Variants in CLEC2A observed in about 807,000 individuals in gnomAD.
CLEC2A encodes the protein keratinocyte-associated C-type lectin.
In CLEC2A, 19 loss-of-function variants were observed where a neutral mutation model predicts 18.6. That is an observed-to-expected ratio of 1.02 (90% confidence interval 0.71 to 1.50). The LOEUF (loss-of-function observed/expected upper bound fraction) is 1.50. CLEC2A is among the 40% of genes most tolerant of loss of function. CLEC2A has a pLI of 0.00. For synonymous variants in CLEC2A, 74 were observed against 64.0 expected (o/e 1.16, Z -0.75); for missense variants, 190 against 207.9 (o/e 0.91, Z 0.53).
At chr12:9,911,354 A>G (rs1489106741), downstream of CLEC2A, among the ~76,000 whole-genome samples, 1 of 152,170 alleles carries the variant, frequency 6.6e-6, no homozygotes, top group East Asian at 1.9e-4. Flanking sequence ...CCTCTGAGCA[A>G]AGAACAAGGA....
chr12:9,926,779 G>A (rs1334929771), intron 1 of CLEC2A, among the ~76,000 whole-genome samples: 4 of 152,096 alleles, frequency 2.6e-5, no homozygotes, highest in Non-Finnish European at 4.4e-5. Context: ...CCTTAAATGA[G>A]AGATATATTT....
At chr12:9,894,120 TTTTC>T (rs747130806), downstream of CLEC2A, among the ~76,000 whole-genome samples, 1 of 108,706 alleles carries the variant, frequency 9.2e-6, no homozygotes, top group Admixed American at 1.0e-4. Context: ...TTTTTCTTTC[TTTTC>T]TTTCTCTCTC....
intron 4 of CLEC2A, 137 bp from the exon 5 acceptor site, chr12:9,913,817 C>A: frequency 1.8e-6 from 1 of 568,772 alleles, no homozygotes; most frequent in Non-Finnish European, 3.0e-6. Flanking sequence ...TCACCATATG[C>A]TGCATTAAAA....
the CLEC2A span, among the ~76,000 whole-genome samples, chr12:9,878,883 G>A: frequency 2.0e-5 from 3 of 152,118 alleles, no homozygotes; most frequent in Non-Finnish European, 2.9e-5. Flanking sequence ...TTTGTGAACC[G>A]ATTTTTTAGG....
At chr12:9,908,507 A>C (rs551492337), downstream of CLEC2A, among the ~76,000 whole-genome samples, 1 of 152,278 alleles carries the variant, frequency 6.6e-6, no homozygotes, top group South Asian at 2.1e-4. Context: ...AGGGAAACAG[A>C]GGAGCGGGCT....
intron 4 of CLEC2A, among the ~76,000 whole-genome samples, chr12:9,900,925 A>T (rs983457799): frequency 6.6e-6 from 1 of 152,202 alleles, no homozygotes; most frequent in Non-Finnish European, 1.5e-5. Flanking sequence ...AAACAACCAT[A>T]TTGCCATAAG....
At chr12:9,881,480 C>A in the CLEC2A span, 2 of 716,246 alleles carry the variant, frequency 2.8e-6, no homozygotes, top group Non-Finnish European at 2.3e-6. Flanking sequence ...TATTTTTGGC[C>A]TTCCTTTTAG....
chr12:9,923,511 A>T lies in CLEC2A; in HGVS notation c.140-1279T>A, dbSNP rs568878058. Among the ~76,000 whole-genome samples, 4 of 152,270 alleles carry T rather than the reference A, an allele frequency of 2.6e-5. No individual in the cohort carries two copies. In the South Asian group the frequency reaches 8.3e-4, roughly 32 times the overall value. ...TAAACTAGTTCAACCATTGTGGAAG[A>T]CAGTGTGGCGATTCCTCAGGGATCT... is the stretch of plus-strand genomic sequence containing the variant. On this transcript the variant is annotated intron_variant, in intron 2 of 4. Coordinates refer to ENST00000455827, the MANE Select transcript of CLEC2A (RefSeq NM_001130711.2).
chr12:9,909,914 C>T (rs1195596471), downstream of CLEC2A, among the ~76,000 whole-genome samples: 1 of 151,944 alleles, frequency 6.6e-6, no homozygotes, highest in South Asian at 2.1e-4. Context: ...TAGGGGATCC[C>T]ATGTGTTGAT....
downstream of CLEC2A, among the ~76,000 whole-genome samples, chr12:9,895,046 A>G (rs1862740764): frequency 6.6e-6 from 1 of 152,188 alleles, no homozygotes; most frequent in Non-Finnish European, 1.5e-5. Context: ...CTCTCTTCAA[A>G]GGCATTCCAT....
At chr12:9,907,326 A>G (rs1209453844) in intron 4 of CLEC2A, among the ~76,000 whole-genome samples, 1 of 152,202 alleles carries the variant, frequency 6.6e-6, no homozygotes, top group African/African-American at 2.4e-5. Flanking sequence ...AAGTCCACAG[A>G]AGATGGTCAG....
rs183752526 is a variant in CLEC2A, at chr12:9,927,919, A to G, written c.56-1576T>C. On this transcript the variant is annotated intron_variant, in intron 1 of 4. Transcript: ENST00000455827. ...TGCACAAATTTCAGACACCCAAAATAGTAATTTGTGGGCAAAGCCATGTCT... is the reference window on the plus strand; with the variant it reads ...TGCACAAATTTCAGACACCCAAAATGGTAATTTGTGGGCAAAGCCATGTCT... Among the ~76,000 whole-genome samples the G allele has an allele frequency of 1.3e-3, 196 of 152,338 alleles. 1 individual carries two copies. The highest frequency in any genetic ancestry group is 4.0e-3 in the African/African-American group (166 of 41,578).
chr12:9,877,843 A>G, the CLEC2A span, among the ~76,000 whole-genome samples: 7 of 152,266 alleles, frequency 4.6e-5, no homozygotes, highest in Admixed American at 4.6e-4. Context: ...ATGAATCAAT[A>G]TACGAATGAA....
At chr12:9,928,611 G>A (rs1168873445) in intron 1 of CLEC2A, among the ~76,000 whole-genome samples, 30 of 152,096 alleles carry the variant, frequency 2.0e-4, no homozygotes, top group Admixed American at 2.0e-3. Context: ...ATGCAAAAAA[G>A]ACTGGTATCG....
At chr12:9,927,203 C>T (rs1210681685) in intron 1 of CLEC2A, among the ~76,000 whole-genome samples, 1 of 152,100 alleles carries the variant, frequency 6.6e-6, no homozygotes, top group African/African-American at 2.4e-5. Flanking sequence ...CAGACTGTTG[C>T]TCCTAGACTA....
the CLEC2A span, chr12:9,893,406 T>A: frequency 9.0e-7 from 1 of 1,110,230 alleles, no homozygotes; most frequent in Non-Finnish European, 1.3e-6. Flanking sequence ...AATGAATGAA[T>A]AAATGCACTA....
At chr12:9,898,629 T>C (rs1046464378), downstream of CLEC2A, 12 of 357,276 alleles carry the variant, frequency 3.4e-5, no homozygotes, top group Admixed American at 2.5e-4. Flanking sequence ...TCATAATAAA[T>C]GGAACAGCTA....
At chr12:9,888,562 T>C in the CLEC2A span, among the ~76,000 whole-genome samples, 3 of 152,056 alleles carry the variant, frequency 2.0e-5, no homozygotes, top group Non-Finnish European at 4.4e-5. Flanking sequence ...AAAACAGATA[T>C]GGCGAAACGT....
intron 2 of CLEC2A, 80 bp downstream of exon 2, chr12:9,926,180 G>A (rs1863268592): frequency 1.2e-6 from 1 of 831,354 alleles, no homozygotes; most frequent in East Asian, 2.7e-5. Context: ...AGATGTGGGA[G>A]ATTTGGAGTT....
Sources: allele counts gnomAD v4.1 joint callset (sites outside exome capture counted in the v4.1 genomes callset), GRCh38; gene constraint gnomAD v4.1.1; transcripts MANE v1.5; gene names NCBI Gene and HGNC (gene_info 2026-07-23, HGNC 2026-07-21).